The following TPTE2 variants were observed in gnomAD, a reference collection of about 807,000 sequenced individuals.
TPTE2 encodes transmembrane phosphoinositide 3-phosphatase and tensin homolog 2.
TPTE2 carries 53 observed loss-of-function variants against 78.6 expected under a neutral mutation model. The ratio of observed to expected loss-of-function variants is 0.67; its 90% confidence interval spans 0.54 to 0.85. The LOEUF is 0.85. Among genes scored for constraint, TPTE2 ranks in the 40% least tolerant of loss-of-function variants. The pLI is 0.00. For synonymous variants in TPTE2, 175 were observed against 206.2 expected (o/e 0.85, Z 1.30); for missense variants, 461 against 623.0 (o/e 0.74, Z 2.77).
At chr13:19,468,001 A>G (rs1311618213) in intron 6 of TPTE2, among the ~76,000 whole-genome samples, 1 of 113,432 alleles carries the variant, frequency 8.8e-6, no homozygotes, top group Non-Finnish European at 1.8e-5. Flanking sequence ...AGTTCCATCC[A>G]TGTTGTTCCA....
the TPTE2 span, among the ~76,000 whole-genome samples, chr13:19,550,493 A>G: frequency 6.6e-6 from 1 of 152,226 alleles, no homozygotes; most frequent in Non-Finnish European, 1.5e-5. Flanking sequence ...ATGTTACTGT[A>G]TACAACGGAA....
chr13:19,448,439 A>C (rs1373939742), intron 13 of TPTE2, among the ~76,000 whole-genome samples: 1 of 152,224 alleles, frequency 6.6e-6, no homozygotes, highest in Non-Finnish European at 1.5e-5. Context: ...TAATAGGTTA[A>C]CAGATTTTTT....
intron 1 of TPTE2, among the ~76,000 whole-genome samples, chr13:19,529,447 C>T (rs1870730634): frequency 6.6e-6 from 1 of 152,182 alleles, no homozygotes; most frequent in Non-Finnish European, 1.5e-5. Flanking sequence ...TTTTCAATAT[C>T]TCAGAAAGCT....
intron 4 of TPTE2, among the ~76,000 whole-genome samples, chr13:19,481,678 C>G (rs550349067): frequency 6.6e-6 from 1 of 152,290 alleles, no homozygotes; most frequent in Admixed American, 6.5e-5. Flanking sequence ...AGCTCCATTA[C>G]AGAAAACGTA....
intron 1 of TPTE2, among the ~76,000 whole-genome samples, chr13:19,508,588 G>A (rs1431468066): frequency 6.6e-6 from 1 of 152,126 alleles, no homozygotes; most frequent in South Asian, 2.1e-4. Context: ...TTAATTTAGA[G>A]TTAGAAGGTT....
chr13:19,511,338 T>C (rs1444584444), intron 1 of TPTE2, among the ~76,000 whole-genome samples: 1 of 152,056 alleles, frequency 6.6e-6, no homozygotes, highest in African/African-American at 2.4e-5. Flanking sequence ...AGATACAACT[T>C]AATACCATTT....
chr13:19,559,391 C>T, the TPTE2 span, among the ~76,000 whole-genome samples: 9 of 152,134 alleles, frequency 5.9e-5, no homozygotes, highest in African/African-American at 2.2e-4. Context: ...CCTGGCCAAA[C>T]CCAAAAATAA....
At chr13:19,479,338 C>A (rs969395355) in intron 4 of TPTE2, among the ~76,000 whole-genome samples, 3 of 151,944 alleles carry the variant, frequency 2.0e-5, no homozygotes, top group Admixed American at 6.6e-5. Flanking sequence ...ACAGGTACAT[C>A]TCGATATTGA....
rs1238148879 is a variant in TPTE2, at chr13:19,451,013, A to T, written c.802+152T>A. ...CTGCTGGGCTAACTCCCTCTACTAAATGGGGCCAGTCCAAGATGGGGATTT... is the reference window on the plus strand; with the variant it reads ...CTGCTGGGCTAACTCCCTCTACTAATTGGGGCCAGTCCAAGATGGGGATTT... On this transcript the variant is annotated intron_variant, in intron 11 of 19. Transcript: ENST00000400230. The T allele has an allele frequency of 3.3e-6, 3 of 921,582 alleles. No homozygotes were observed. In the African/African-American group the frequency reaches 5.0e-5, roughly 15 times the overall value. 57.1% of individuals were successfully genotyped at this position (921,582 alleles called of 1,614,324 possible).
chr13:19,475,456 C>T, intron 5 of TPTE2, 117 bp downstream of exon 8: 2 of 1,122,454 alleles, frequency 1.8e-6, no homozygotes, highest in South Asian at 1.8e-5. Flanking sequence ...GAACTCCTGA[C>T]TTCATGTGAT....
intron 1 of TPTE2, among the ~76,000 whole-genome samples, chr13:19,510,588 G>A (rs1053232423): frequency 6.6e-6 from 1 of 151,966 alleles, no homozygotes. Context: ...TTCAACATGC[G>A]GTTTGGGGGT....
At chr13:19,490,694 A>AC (rs1880938834) in intron 3 of TPTE2, among the ~76,000 whole-genome samples, 2 of 152,216 alleles carry the variant, frequency 1.3e-5, no homozygotes, top group African/African-American at 4.8e-5. Flanking sequence ...AAGTAACTAC[A>AC]GACCCAAGGC....
In TPTE2 at chr13:19,425,090, T is replaced by C. The variant is rs187703707; in HGVS notation, c.1396-73A>G. On this transcript the variant is annotated intron_variant, in intron 18 of 19. Transcript: ENST00000400230. ...CATTCCAAAGAAATTAAAGTTCCTT[T>C]CTTTATTCCTTTATATATTTATCAA... 3.5e-5 allele frequency: 25 copies of C among 715,100 alleles called. No individual in the cohort carries two copies. The East Asian group carries it at 6.8e-4, about 19-fold the overall frequency. 44.3% of individuals were successfully genotyped at this position (715,100 alleles called of 1,614,324 possible).
rs373060672 is a variant in TPTE2, at chr13:19,443,737, T to TACAC, written c.974-5588_974-5585dup. 7.8e-3 allele frequency among the ~76,000 whole-genome samples: 1,017 copies of TACAC among 129,836 alleles called. 7 individuals are homozygous for TACAC. Among genetic ancestry groups the TACAC allele is most frequent in the African/African-American group, 0.017 (536 of 31,504 alleles). The allele number at this position is 129,836 out of a possible 152,430, so 85.2% of individuals were successfully genotyped here. A position where few individuals can be genotyped will look rare whatever the true frequency, so the allele number is the denominator to read the frequency against. ...TTCTTAATCGATAAATGGTAGCTAA[T>TACAC]ACACACACACACACACACACACACA... On this transcript the variant is annotated intron_variant, in intron 13 of 19. Coordinates refer to ENST00000400230, the Ensembl canonical transcript of TPTE2.
intron 1 of TPTE2, among the ~76,000 whole-genome samples, chr13:19,513,029 G>A (rs1225476395): frequency 2.0e-5 from 3 of 152,246 alleles, no homozygotes; most frequent in African/African-American, 7.2e-5. Flanking sequence ...CAGCAGCAGC[G>A]CTTGTTTTAT....
At chr13:19,470,355 T>C (rs1258543454) in intron 6 of TPTE2, among the ~76,000 whole-genome samples, 1 of 152,166 alleles carries the variant, frequency 6.6e-6, no homozygotes, top group Non-Finnish European at 1.5e-5. Flanking sequence ...TGTTGAACCA[T>C]CCTTGCATCC....
chr13:19,427,566 C>T (rs572685333), intron 17 of TPTE2, among the ~76,000 whole-genome samples: 3 of 152,168 alleles, frequency 2.0e-5, no homozygotes, highest in Non-Finnish European at 4.4e-5. Context: ...CAATGCATAA[C>T]TTATCATGGT....
chr13:19,556,285 A>T, the TPTE2 span, among the ~76,000 whole-genome samples: 2 of 152,182 alleles, frequency 1.3e-5, no homozygotes, highest in Non-Finnish European at 2.9e-5. Context: ...CAAACACTGA[A>T]TTAACTTCTT....
intron 10 of TPTE2, among the ~76,000 whole-genome samples, chr13:19,451,752 T>C (rs984577942): frequency 5.3e-5 from 8 of 151,988 alleles, no homozygotes; most frequent in African/African-American, 1.7e-4. Flanking sequence ...TATGGAGACT[T>C]TTTTGGCTCA....
Sources: allele counts gnomAD v4.1 joint callset (sites outside exome capture counted in the v4.1 genomes callset), GRCh38; gene constraint gnomAD v4.1.1; transcripts MANE v1.5; gene names NCBI Gene and HGNC (gene_info 2026-07-23, HGNC 2026-07-21).